MYH14: variants seen among roughly 807,000 people sequenced by gnomAD.
The protein encoded by MYH14 is myosin-14.
MYH14 carries 123 observed loss-of-function variants against 255.5 expected under a neutral mutation model. The ratio of observed to expected loss-of-function variants is 0.48; its 90% CI spans 0.42 to 0.56. The LOEUF is 0.56. MYH14 is among the 20% of genes least tolerant of loss of function. The probability of loss-of-function intolerance (pLI) is 0.00; values close to 1 mark genes in which losing one functional copy is unlikely to be tolerated. For synonymous variants in MYH14, 1,095 were observed against 1,161.2 expected, an observed-to-expected ratio of 0.94 and a Z score of 1.16; for missense variants, 2,423 against 2,802.3, an observed-to-expected ratio of 0.86 and a Z score of 3.06.
chr19:50,266,982 G>C lies in MYH14; in HGVS notation c.2800G>C (p.Gly934Arg). Residue 934 changes from glycine to arginine, a missense_variant, in exon 23 of 43, where the codon GGG (glycine) becomes CGG (arginine). Coordinates refer to ENST00000642316, the MANE Select transcript of MYH14 (RefSeq NM_001145809.2). The surrounding 1 kb of genome is among the most constrained non-coding windows in gnomAD (Gnocchi z 4.1). ...ACAGCAGCAGAGCGCCCGCGAAGTT[G>C]GGGAGCTCCAGGGCCGAGTGGCACA... ...ELQQQSAREV[G>R]ELQGRVAQLE... The C allele has an allele frequency of 6.4e-7, 1 of 1,568,736 alleles. No individual in the cohort carries two copies. Among genetic ancestry groups the C allele is most frequent in the Non-Finnish European group, 8.6e-7 (1 of 1,157,314 alleles).
intron 8 of MYH14, 120 bp downstream of exon 8, chr19:50,227,086 T>A (rs2033145391): frequency 7.6e-6 from 4 of 524,512 alleles, no homozygotes; most frequent in Non-Finnish European, 1.4e-5. Flanking sequence ...TGGGACCTGA[T>A]GCTCAGGCGG....
chr19:50,266,943 A>AAAGTGCAGGAGCTACAGC lies in MYH14; in HGVS notation c.2763_2780dup (p.Val922_Gln927dup). Reference sequence around the variant, plus strand: ...GCAGGCACGGGCCCAGGAGCTGCAGAAAGTGCAGGAGCTACAGCAGCAGAG... The same window carrying AAAGTGCAGGAGCTACAGC: ...GCAGGCACGGGCCCAGGAGCTGCAGAAAGTGCAGGAGCTACAGCAAGTGCAGGAGCTACAGCAGCAGAG... On this transcript the variant is annotated inframe_insertion, in exon 23 of 43. Transcript: ENST00000642316. This position sits in a 1 kb window ranked among gnomAD's most constrained non-coding sequence, Gnocchi z 4.1. The AAAGTGCAGGAGCTACAGC allele has an allele frequency of 6.4e-7, 1 of 1,558,580 alleles. No homozygotes were observed. Among genetic ancestry groups the AAAGTGCAGGAGCTACAGC allele is most frequent in the Non-Finnish European group, 8.7e-7 (1 of 1,150,888 alleles).
At chr19:50,273,601 G>GGGT in intron 27 of MYH14, among the ~76,000 whole-genome samples, 1 of 137,578 alleles carries the variant, frequency 7.3e-6, no homozygotes, top group Non-Finnish European at 1.6e-5. Flanking sequence ...GAACATGGGG[G>GGGT]GTGTGTGTGT....
Position 50,230,453 on chromosome 19 carries a change from C to A in MYH14, c.875-72C>A. The A allele has an allele frequency of 1.5e-6, 2 of 1,346,674 alleles. No individual in the cohort carries two copies. Among genetic ancestry groups the A allele is most frequent in the Non-Finnish European group, 2.1e-6 (2 of 962,686 alleles). 83.4% of individuals were successfully genotyped at this position (1,346,674 alleles called of 1,614,324 possible). A position where few individuals can be genotyped will look rare whatever the true frequency, so the allele number is the denominator to read the frequency against. On this transcript the variant is annotated intron_variant, in intron 8 of 42. Transcript: ENST00000642316. The surrounding 1 kb of genome is among the most constrained non-coding windows in gnomAD (Gnocchi z 4.7). ...AGAGAAGGGGGCAGCGTGGGCAGGG[C>A]AGGCTCCTGTAGTGGCCTGGCAGCG... is the stretch of plus-strand genomic sequence containing the variant.
rs1391156849 is a variant in MYH14 at position 50,304,624 on chromosome 19, G to T, written c.5679-2425G>T. 3.9e-5 allele frequency among the ~76,000 whole-genome samples: 6 copies of T among 152,246 alleles called. No individual in the cohort carries two copies. In the South Asian group the frequency reaches 1.0e-3, roughly 26 times the overall value. On this transcript the variant is annotated intron_variant, in intron 40 of 42. Coordinates refer to ENST00000642316, the MANE Select transcript of MYH14 (RefSeq NM_001145809.2). ...AGGAGTGTACTGTTTACCTTCCCATGTGCTGGTCACTGAAAAAATTAGACG... is the reference window on the plus strand; with the variant it reads ...AGGAGTGTACTGTTTACCTTCCCATTTGCTGGTCACTGAAAAAATTAGACG...
chr19:50,302,411 A>G (rs1019557612), intron 40 of MYH14, among the ~76,000 whole-genome samples: 6 of 150,798 alleles, frequency 4.0e-5, no homozygotes, highest in Admixed American at 6.6e-5. Flanking sequence ...GTGAAACCCC[A>G]TCTCTACCAA....
chr19:50,215,825 A>G (rs1260021849), intron 2 of MYH14, among the ~76,000 whole-genome samples: 2 of 152,058 alleles, frequency 1.3e-5, no homozygotes, highest in African/African-American at 4.8e-5. Context: ...TTTCTAAAAA[A>G]CAAAAGAAAA....
At position 50,280,398 on chromosome 19, in the gene MYH14, G is replaced by A. The variant is rs1249636861; in HGVS notation, c.4290+15G>A. 16 of 1,517,204 alleles carry A rather than the reference G, an allele frequency of 1.1e-5. No individual in the cohort carries two copies. Among genetic ancestry groups the A allele is most frequent in the South Asian group, 2.5e-5 (2 of 80,062 alleles). The allele number at this position is 1,517,204 out of a possible 1,614,324, so 94.0% of individuals were successfully genotyped here. A position where few individuals can be genotyped will look rare whatever the true frequency, so the allele number is the denominator to read the frequency against. ...CCCAGGCCCAGGTGAGCAGCCCTAC[G>A]TAAGACCTTCAGGGAGGCACAGCCC... is the stretch of plus-strand genomic sequence containing the variant. On this transcript the variant is annotated intron_variant, in intron 32 of 42. Coordinates refer to ENST00000642316, the MANE Select transcript of MYH14 (RefSeq NM_001145809.2). This position sits in a 1 kb window ranked among gnomAD's most constrained non-coding sequence, Gnocchi z 4.8.
chr19:50,256,845 C>A (rs2123332058), intron 17 of MYH14, among the ~76,000 whole-genome samples: 1 of 148,394 alleles, frequency 6.7e-6, no homozygotes, highest in East Asian at 2.0e-4. Flanking sequence ...TTTTCTCTCT[C>A]TATGCCTCAG....
chr19:50,256,681 T>C (rs1454973122), intron 17 of MYH14, among the ~76,000 whole-genome samples: 2 of 152,182 alleles, frequency 1.3e-5, no homozygotes, highest in Non-Finnish European at 2.9e-5. Flanking sequence ...GCCAAGAAAA[T>C]AGAACCTCTA....
rs371109018 is a variant in MYH14, at chr19:50,230,631, C to G, written c.973+8C>G. On this transcript the variant is annotated splice_region_variant and intron_variant, in intron 9 of 42. Transcript: ENST00000642316. The surrounding 1 kb of genome is among the most constrained non-coding windows in gnomAD (Gnocchi z 4.7). Reference sequence around the variant, plus strand: ...CTGGAGAGCAGCTCAAAGGTCAGTGCCGCCCCGTCCTACCCTGCTCACCCG... The same window carrying G: ...CTGGAGAGCAGCTCAAAGGTCAGTGGCGCCCCGTCCTACCCTGCTCACCCG... 34 of 1,554,980 alleles carry G rather than the reference C, an allele frequency of 2.2e-5. No individual in the cohort carries two copies. In the African/African-American group the frequency reaches 4.1e-4, roughly 19 times the overall value.
Position 50,250,620 on chromosome 19 carries a change from C to T in MYH14, c.1762C>T (p.Pro588Ser). ...GGTAGCCCAGGAGCAGGGCGGCCAC[C>T]CCAAGTTCCAGCGGCCGAGGCACCT... ...EKVAQEQGGH[P>S]KFQRPRHLRD... Residue 588 changes from proline (P) to serine (S), a missense_variant, in exon 15 of 43, where the codon CCC becomes TCC. By Grantham distance (74) the Pro-to-Ser change is moderately conservative. Transcript: ENST00000642316. The surrounding 1 kb of genome is among the most constrained non-coding windows in gnomAD (Gnocchi z 5.4). 6.2e-7 allele frequency: 1 copy of T among 1,614,008 alleles called. No individual in the cohort carries two copies. Among genetic ancestry groups the T allele is most frequent in the Admixed American group, 1.7e-5 (1 of 60,018 alleles).
At position 50,230,646 on chromosome 19, in the gene MYH14, C is replaced by G; in HGVS notation, c.973+23C>G. The stretch of plus-strand genomic sequence containing the variant: ...AAGGTCAGTGCCGCCCCGTCCTACC[C>G]TGCTCACCCGGGAGAGGGTGGGCAC... On this transcript the variant is annotated intron_variant, in intron 9 of 42. Transcript: ENST00000642316. The surrounding 1 kb of genome is among the most constrained non-coding windows in gnomAD (Gnocchi z 4.7). 1.9e-6 allele frequency: 3 copies of G among 1,549,620 alleles called. No homozygotes were observed. Among genetic ancestry groups the G allele is most frequent in the East Asian group, 2.4e-5 (1 of 41,036 alleles).
chr19:50,290,278 A>G (rs754385018), intron 35 of MYH14, among the ~76,000 whole-genome samples: 12 of 151,348 alleles, frequency 7.9e-5, no homozygotes, highest in Admixed American at 2.0e-4. Flanking sequence ...TCCTTCCCCA[A>G]TCCAGTCAGT....
intron 22 of MYH14, among the ~76,000 whole-genome samples, chr19:50,264,010 T>C (rs1008269269): frequency 4.6e-5 from 6 of 129,996 alleles, no homozygotes; most frequent in African/African-American, 1.8e-4. Context: ...TGAGCCAAGA[T>C]AGTGTCACTA....
chr19:50,259,660 C>G (rs2034748910), intron 19 of MYH14, among the ~76,000 whole-genome samples: 1 of 152,154 alleles, frequency 6.6e-6, no homozygotes, highest in South Asian at 2.1e-4. Flanking sequence ...AGACAGATCA[C>G]CTGAGGTCGG....
rs1160850100 is a variant in MYH14, at chr19:50,261,573, C to T, written c.2523C>T (p.Asp841=). Residue 841 remains aspartate, a synonymous_variant, in exon 21 of 43, where the codon GAC becomes GAT. Coordinates refer to ENST00000642316, the MANE Select transcript of MYH14 (RefSeq NM_001145809.2). ...GVLAQLEEER[D]LKVTDIIVSF... ...TGGCCCAGCTGGAAGAGGAGCGAGA[C>T]CTGAAGGTCACCGACATCATCGTCT... The T allele has an allele frequency of 3.7e-6, 6 of 1,602,698 alleles. No homozygotes were observed. The highest frequency in any genetic ancestry group is 2.3e-5 in the East Asian group (1 of 43,972).
chr19:50,289,732 G>A (rs2036006831), intron 35 of MYH14, 84 bp downstream of exon 35: 2 of 1,302,416 alleles, frequency 1.5e-6, no homozygotes, highest in Non-Finnish European at 2.1e-6. Context: ...GGCAGCAAGG[G>A]GTCTCCCCGA....
chr19:50,295,009 T>G (rs900762575), intron 39 of MYH14, among the ~76,000 whole-genome samples: 4 of 21,914 alleles, frequency 1.8e-4, no homozygotes, highest in Non-Finnish European at 2.3e-4. Flanking sequence ...GATTAAGTTT[T>G]TTTTTTTTTT....
Sources: allele counts gnomAD v4.1 joint callset (sites outside exome capture counted in the v4.1 genomes callset), GRCh38; gene constraint gnomAD v4.1.1; non-coding constraint Gnocchi (gnomAD v3.1); transcripts MANE v1.5; gene names NCBI Gene and HGNC (gene_info 2026-07-23, HGNC 2026-07-21).